Variants in PKNOX2 observed in about 807,000 individuals in gnomAD.
The protein encoded by PKNOX2 is PBX/knotted 1 homeobox 2, also known as homeobox protein PKNOX2.
A neutral mutation model predicts 53.1 loss-of-function variants in PKNOX2; 14 were observed. The ratio of observed to expected loss-of-function variants is 0.26; its 90% CI spans 0.17 to 0.41. The LOEUF (loss-of-function observed/expected upper bound fraction) is 0.41, where lower values mean the gene tolerates loss of function less well. PKNOX2 is among the 10% of genes least tolerant of loss of function. The pLI is 1.00. For synonymous variants in PKNOX2, 257 were observed against 242.8 expected (o/e 1.06, Z -0.54); for missense variants, 496 against 602.8 (o/e 0.82, Z 1.85).
At chr11:125,218,096 A>G (rs1452279918) in intron 1 of PKNOX2, among the ~76,000 whole-genome samples, 1 of 152,054 alleles carries the variant, frequency 6.6e-6, no homozygotes, top group East Asian at 1.9e-4. Context: ...GCTGCTCTTT[A>G]AAGTGATGTG....
intron 1 of PKNOX2, among the ~76,000 whole-genome samples, chr11:125,220,714 A>G (rs1750881637): frequency 1.3e-5 from 2 of 152,164 alleles, no homozygotes; most frequent in African/African-American, 2.4e-5. Context: ...CCATCCATCC[A>G]TCCATACACC....
chr11:125,226,707 A>C (rs1447972445), intron 1 of PKNOX2, among the ~76,000 whole-genome samples: 1 of 151,112 alleles, frequency 6.6e-6, no homozygotes, highest in Non-Finnish European at 1.5e-5. Context: ...TGGTACAACT[A>C]GGAGCGTAGA....
chr11:125,393,477 T>G (rs543657348), intron 6 of PKNOX2, among the ~76,000 whole-genome samples: 1 of 152,102 alleles, frequency 6.6e-6, no homozygotes, highest in Non-Finnish European at 1.5e-5. Flanking sequence ...GAGGAGAAGA[T>G]GCAGCCTGTG....
chr11:125,251,040 C>T (rs528574004), intron 2 of PKNOX2, among the ~76,000 whole-genome samples: 15 of 152,216 alleles, frequency 9.9e-5, no homozygotes, highest in African/African-American at 3.4e-4. Flanking sequence ...CTCTGGGCTG[C>T]GGGCGCCCCT....
rs138483734 is a variant in PKNOX2 at position 125,231,740 on chromosome 11, GGA to G, written c.-200-3294_-200-3293del. Reference sequence around the variant, plus strand: ...GTGTGGGGGGTGTGTGTGTGTGTGTGGAGAGAGAGAGAAAATGATGCTCCGTT... The same window carrying G: ...GTGTGGGGGGTGTGTGTGTGTGTGTGGAGAGAGAGAAAATGATGCTCCGTT... On this transcript the variant is annotated intron_variant, in intron 1 of 12. Coordinates refer to ENST00000298282, the MANE Select transcript of PKNOX2 (RefSeq NM_001382323.2). 2.4e-4 allele frequency among the ~76,000 whole-genome samples: 37 copies of G among 151,944 alleles called. 1 individual carries two copies. The highest frequency in any genetic ancestry group is 3.4e-3 in the Middle Eastern group (1 of 294).
chr11:125,324,325 TA>T (rs1031050322), intron 2 of PKNOX2, among the ~76,000 whole-genome samples: 14 of 152,224 alleles, frequency 9.2e-5, no homozygotes, highest in African/African-American at 3.1e-4. Flanking sequence ...CTGCAAGGCT[TA>T]AATAATAAAT....
intron 1 of PKNOX2, among the ~76,000 whole-genome samples, chr11:125,219,279 C>CA (rs112932692): frequency 0.13 from 19,432 of 150,536 alleles, 2,854 homozygotes; most frequent in African/African-American, 0.34. Flanking sequence ...ACTAATAATA[C>CA]AAAAAAAAAT....
At chr11:125,330,006 A>G (rs974546894) in intron 2 of PKNOX2, among the ~76,000 whole-genome samples, 1 of 152,282 alleles carries the variant, frequency 6.6e-6, no homozygotes. Flanking sequence ...CCTGGCATGG[A>G]TGAGACCTTG....
At chr11:125,219,657 A>G (rs538517185) in intron 1 of PKNOX2, among the ~76,000 whole-genome samples, 23 of 152,354 alleles carry the variant, frequency 1.5e-4, no homozygotes, top group Non-Finnish European at 2.9e-4. Flanking sequence ...GTATGAGAGC[A>G]TGATCAACCT....
chr11:125,356,217 A>G (rs1951606542), intron 4 of PKNOX2, among the ~76,000 whole-genome samples: 1 of 152,238 alleles, frequency 6.6e-6, no homozygotes, highest in Non-Finnish European at 1.5e-5. Context: ...TAGAAAGCAG[A>G]AATCCTGGTA....
At chr11:125,243,322 C>A (rs1316768435) in intron 2 of PKNOX2, among the ~76,000 whole-genome samples, 2 of 152,200 alleles carry the variant, frequency 1.3e-5, no homozygotes, top group Non-Finnish European at 2.9e-5. Flanking sequence ...CCTTCCCTCT[C>A]CCCTTCTGGG....
intron 2 of PKNOX2, among the ~76,000 whole-genome samples, chr11:125,262,813 TC>T (rs1944972841): frequency 6.6e-6 from 1 of 152,150 alleles, no homozygotes; most frequent in Non-Finnish European, 1.5e-5. Flanking sequence ...TCCTTACTTC[TC>T]TGTTTCCCTC....
At chr11:125,297,478 C>G (rs1383263610) in intron 2 of PKNOX2, among the ~76,000 whole-genome samples, 1 of 152,216 alleles carries the variant, frequency 6.6e-6, no homozygotes, top group Non-Finnish European at 1.5e-5. Flanking sequence ...ACTCATTAGT[C>G]TGACAGCATG....
intron 2 of PKNOX2, among the ~76,000 whole-genome samples, chr11:125,254,370 C>T (rs1395738607): frequency 1.3e-5 from 2 of 152,214 alleles, no homozygotes; most frequent in African/African-American, 4.8e-5. Context: ...CTGGTGCCAC[C>T]TCCTCAGCAG....
At chr11:125,178,565 CGAAG>C (rs1176892919) in intron 1 of PKNOX2, among the ~76,000 whole-genome samples, 7 of 60,362 alleles carry the variant, frequency 1.2e-4, no homozygotes, top group Admixed American at 1.8e-4. Context: ...AAGGAAGGAA[CGAAG>C]GAAGGAAGGA....
chr11:125,289,862 T>C (rs1478390827), intron 2 of PKNOX2, among the ~76,000 whole-genome samples: 1 of 152,220 alleles, frequency 6.6e-6, no homozygotes, highest in East Asian at 1.9e-4. Context: ...CGGAGGCCCT[T>C]GCAGCCTGGA....
Position 125,406,190 on chromosome 11 carries a change from G to A in PKNOX2, c.589-4006G>A, listed in dbSNP as rs144917407. Among the ~76,000 whole-genome samples the A allele has an allele frequency of 9.3e-3, 1,415 of 152,284 alleles. 17 individuals carry two copies. Among genetic ancestry groups the A allele is most frequent in the Middle Eastern group, 0.021 (6 of 292 alleles). ...TGCTTAGCCAACATGTGCTCCCCAC[G>A]GGGTTTCCACCGCTGCTCTGGAAGT... On this transcript the variant is annotated intron_variant, in intron 7 of 12. Transcript: ENST00000298282.
At chr11:125,355,646 G>A (rs978466916) in intron 4 of PKNOX2, among the ~76,000 whole-genome samples, 1 of 152,216 alleles carries the variant, frequency 6.6e-6, no homozygotes, top group African/African-American at 2.4e-5. Context: ...GCCATAGTGG[G>A]CCTGGCTGTC....
intron 10 of PKNOX2, among the ~76,000 whole-genome samples, chr11:125,412,709 T>A (rs1410526830): frequency 3.3e-5 from 5 of 152,092 alleles, no homozygotes; most frequent in Non-Finnish European, 7.4e-5. Context: ...GTCTGCGAGC[T>A]CCTGCCCTGG....
Sources: gnomAD v4.1 joint callset for allele counts (sites outside exome capture counted in the v4.1 genomes callset) on GRCh38, gnomAD v4.1.1 for gene constraint, MANE v1.5 for transcripts, NCBI Gene and HGNC (gene_info 2026-07-23, HGNC 2026-07-21) for gene names.